The following RBFOX1 variants were observed in gnomAD, a reference collection of about 807,000 sequenced individuals.
The protein encoded by RBFOX1 is RNA binding fox-1 homolog 1.
RBFOX1 carries 8 observed loss-of-function variants against 57.7 expected under a neutral mutation model. The ratio of observed to expected loss-of-function variants is 0.14; its 90% confidence interval spans 0.08 to 0.25. The LOEUF (loss-of-function observed/expected upper bound fraction) is 0.25, where lower values mean the gene tolerates loss of function less well. RBFOX1 is among the 10% of genes least tolerant of loss of function. The pLI is 1.00. For synonymous variants in RBFOX1, 326 were observed against 222.4 expected (o/e 1.47, Z -4.15); for missense variants, 611 against 548.5 (o/e 1.11, Z -1.14).
intron 8 of RBFOX1, 109 bp from the exon 9 acceptor site, chr16:7,597,262 C>A: frequency 1.4e-6 from 1 of 717,988 alleles, no homozygotes; most frequent in Non-Finnish European, 2.2e-6. Flanking sequence ...ATGCATTTTA[C>A]TTTTTAGTTT....
At position 6,666,880 on chromosome 16, in the gene RBFOX1, A is replaced by C. The variant is rs144587465; in HGVS notation, c.-16+12230A>C. 7.9e-5 allele frequency among the ~76,000 whole-genome samples: 12 copies of C among 152,204 alleles called. 1 individual carries two copies. In the South Asian group the frequency reaches 2.5e-3, roughly 32 times the overall value. On this transcript the variant is annotated intron_variant, in intron 3 of 15. Transcript: ENST00000550418. ...CTAAGGTATTATCTCGGGGTCCTCA[A>C]TGAGTCTGCTCCACAGAACCATCAA...
intron 4 of RBFOX1, among the ~76,000 whole-genome samples, chr16:7,216,902 C>G (rs1330522850): frequency 1.3e-5 from 2 of 152,028 alleles, no homozygotes; most frequent in Admixed American, 1.3e-4. Context: ...TCATTACTTT[C>G]CCATTTTATA....
intron 3 of RBFOX1, among the ~76,000 whole-genome samples, chr16:5,638,499 G>C (rs925079476): frequency 6.6e-6 from 1 of 152,166 alleles, no homozygotes. Context: ...GCAGCTGCTA[G>C]GGATACTCAC....
At position 6,849,367 on chromosome 16, in the gene RBFOX1, T is replaced by C. The variant is rs527575152; in HGVS notation, c.-16+194717T>C. Among the ~76,000 whole-genome samples, 7 of 152,324 alleles carry C rather than the reference T, an allele frequency of 4.6e-5. No homozygotes were observed. The South Asian group carries it at 1.2e-3, about 27-fold the overall frequency. ...GTAGAAAAAATATAGTCTTATACTT[T>C]AGATAGAACTGAAAGGCCTGGCTGG... On this transcript the variant is annotated intron_variant, in intron 3 of 15. Transcript: ENST00000550418.
chr16:6,372,199 G>A (rs1018438774), intron 2 of RBFOX1, among the ~76,000 whole-genome samples: 1 of 151,826 alleles, frequency 6.6e-6, no homozygotes, highest in Admixed American at 6.6e-5. Context: ...AAGTATACTC[G>A]GATGAGAGGG....
chr16:5,412,437 A>T (rs1181713662), intron 1 of RBFOX1, among the ~76,000 whole-genome samples: 3 of 152,190 alleles, frequency 2.0e-5, no homozygotes, highest in Admixed American at 6.5e-5. Flanking sequence ...GTTGTAAGAT[A>T]ATTTCTGGGC....
intron 1 of RBFOX1, among the ~76,000 whole-genome samples, chr16:5,336,707 T>G (rs2064904034): frequency 6.6e-6 from 1 of 152,158 alleles, no homozygotes; most frequent in Non-Finnish European, 1.5e-5. Flanking sequence ...TCTACTGGGT[T>G]TAGTTGTCTT....
intron 4 of RBFOX1, among the ~76,000 whole-genome samples, chr16:7,106,628 A>C (rs989012928): frequency 6.6e-6 from 1 of 152,062 alleles, no homozygotes; most frequent in African/African-American, 2.4e-5. Context: ...TAATAATAAT[A>C]ATTTTATTTC....
At chr16:7,097,115 TG>T (rs946071390) in intron 4 of RBFOX1, among the ~76,000 whole-genome samples, 5 of 151,992 alleles carry the variant, frequency 3.3e-5, no homozygotes, top group African/African-American at 1.2e-4. Flanking sequence ...AAAATGTGCT[TG>T]GGAAATGCAA....
intron 1 of RBFOX1, among the ~76,000 whole-genome samples, chr16:6,116,086 A>C (rs1230219674): frequency 6.6e-6 from 1 of 152,224 alleles, no homozygotes; most frequent in Non-Finnish European, 1.5e-5. Context: ...AATGCTATGC[A>C]GCCATAAAAA....
intron 3 of RBFOX1, among the ~76,000 whole-genome samples, chr16:5,719,737 A>G (rs1453538301): frequency 2.6e-5 from 4 of 152,164 alleles, no homozygotes; most frequent in East Asian, 1.9e-4. Context: ...GCCTATGTCA[A>G]TACTTCATTC....
intron 4 of RBFOX1, among the ~76,000 whole-genome samples, chr16:7,430,511 A>T (rs530468581): frequency 6.6e-6 from 1 of 152,062 alleles, no homozygotes; most frequent in Non-Finnish European, 1.5e-5. Flanking sequence ...AATACAAAAA[A>T]ATTAGCCAGC....
At chr16:5,837,791 G>T (rs12923703) in intron 3 of RBFOX1, among the ~76,000 whole-genome samples, 66,555 of 151,790 alleles carry the variant, frequency 0.44, 14,829 homozygotes, top group East Asian at 0.62. Flanking sequence ...TTCCCTGAAG[G>T]CAGGGTGCTT....
At chr16:7,077,577 C>G (rs999045844) in intron 4 of RBFOX1, among the ~76,000 whole-genome samples, 1 of 152,158 alleles carries the variant, frequency 6.6e-6, no homozygotes, top group African/African-American at 2.4e-5. Context: ...ATGAAATTTG[C>G]TGCTAAGTTC....
chr16:6,224,502 G>A (rs2097401272), intron 1 of RBFOX1, among the ~76,000 whole-genome samples: 1 of 152,110 alleles, frequency 6.6e-6, no homozygotes, highest in Non-Finnish European at 1.5e-5. Flanking sequence ...ACTTGGAGTA[G>A]TAAGATGCTC....
chr16:6,421,638 G>C (rs188757172), intron 2 of RBFOX1, among the ~76,000 whole-genome samples: 2 of 152,134 alleles, frequency 1.3e-5, no homozygotes, highest in Admixed American at 1.3e-4. Context: ...GCGTCACCAC[G>C]AATGACACTG....
chr16:6,333,941 C>T (rs1160329756), intron 2 of RBFOX1, among the ~76,000 whole-genome samples: 5 of 152,072 alleles, frequency 3.3e-5, no homozygotes, highest in Non-Finnish European at 7.3e-5. Flanking sequence ...ATTTAGTACC[C>T]CGAGGGCCAA....
At chr16:7,692,914 G>A (rs1300270572) in intron 14 of RBFOX1, among the ~76,000 whole-genome samples, 1 of 151,400 alleles carries the variant, frequency 6.6e-6, no homozygotes, top group Non-Finnish European at 1.5e-5. Flanking sequence ...TATAAGTCTA[G>A]AATTTTATAA....
At chr16:6,597,402 G>T (rs947480635) in intron 2 of RBFOX1, among the ~76,000 whole-genome samples, 2 of 152,006 alleles carry the variant, frequency 1.3e-5, no homozygotes, top group African/African-American at 2.4e-5. Context: ...AACCAGGCGC[G>T]GTGGCTCACA....
Sources: allele counts gnomAD v4.1 joint callset (sites outside exome capture counted in the v4.1 genomes callset), GRCh38; gene constraint gnomAD v4.1.1; transcripts MANE v1.5; gene names NCBI Gene and HGNC (gene_info 2026-07-23, HGNC 2026-07-21).